ITGAM: variants seen among roughly 807,000 people sequenced by gnomAD.
The protein encoded by ITGAM is integrin subunit alpha M.
In ITGAM, 79 loss-of-function variants were observed where a neutral mutation model predicts 137.5. That is an observed-to-expected ratio of 0.57 (90% CI 0.48 to 0.69). The LOEUF (loss-of-function observed/expected upper bound fraction) is 0.69. Among genes scored for constraint, ITGAM ranks in the 30% least tolerant of loss-of-function variants. ITGAM has a pLI of 0.00. For synonymous variants in ITGAM, 583 were observed against 592.3 expected (o/e 0.98, Z 0.23); for missense variants, 1,343 against 1,483.5 (o/e 0.91, Z 1.56).
rs373638810 is a variant in ITGAM at position 31,324,688 on chromosome 16, G to A, written c.2195G>A (p.Arg732His). ...GACCCAGTGAGCCCCATTGTGCTGC[G>A]CCTGAACTTCTCTCTGGTGGGAACG... The part of the protein sequence containing the change: ...IEDPVSPIVL[R>H]LNFSLVGTPL... The change falls in exon 18 of 30, where the codon CGC (arginine) becomes CAC (histidine). Residue 732 changes from arginine (R) to histidine (H), a missense_variant. Transcript: ENST00000544665. The surrounding 1 kb of genome is among the most constrained non-coding windows in gnomAD (Gnocchi z 4.5). 1.8e-5 allele frequency: 29 copies of A among 1,602,396 alleles called. No homozygotes were observed. Among genetic ancestry groups the A allele is most frequent in the Non-Finnish European group, 2.4e-5 (28 of 1,175,080 alleles).
intron 1 of ITGAM, 137 bp downstream of exon 1, chr16:31,260,229 A>G: frequency 1.5e-6 from 1 of 671,694 alleles, no homozygotes; most frequent in Non-Finnish European, 2.5e-6. Flanking sequence ...AAAGGGTTCA[A>G]GAAGAAGCAG....
chr16:31,276,704 A>G lies in ITGAM; in HGVS notation c.1043A>G (p.His348Arg), dbSNP rs2079909982. Residue 348 changes from histidine (H) to arginine (R), a missense_variant, in exon 10 of 30, where the codon CAT (histidine) becomes CGT (arginine). Physicochemically the swap from His to Arg is conservative, Grantham distance 29 (BLOSUM62 0). Coordinates refer to ENST00000544665, the MANE Select transcript of ITGAM (RefSeq NM_000632.4). Reference protein sequence around the residue: ...TQTGSSSSFEHEMSQEGFSAA... With the variant: ...TQTGSSSSFEREMSQEGFSAA... ...ACAGGAAGTAGCAGCTCCTTTGAGCATGAGATGTCTCAGGAAGGCTTCAGC... is the reference window on the plus strand; with the variant it reads ...ACAGGAAGTAGCAGCTCCTTTGAGCGTGAGATGTCTCAGGAAGGCTTCAGC... 1.9e-6 allele frequency: 3 copies of G among 1,612,376 alleles called. No homozygotes were observed. The highest frequency in any genetic ancestry group is 2.2e-5 in the East Asian group (1 of 44,842).
Position 31,331,720 on chromosome 16 carries a change from G to T in ITGAM, c.*13G>T. 1 of 1,584,284 alleles carries T rather than the reference G, an allele frequency of 6.3e-7. No individual in the cohort carries two copies. The highest frequency in any genetic ancestry group is 8.6e-7 in the Non-Finnish European group (1 of 1,164,928). On this transcript the variant is annotated 3_prime_UTR_variant, in exon 30 of 30. Coordinates refer to ENST00000544665, the MANE Select transcript of ITGAM (RefSeq NM_000632.4). The stretch of plus-strand genomic sequence containing the variant: ...CGAACCCCAGTAGCGGCTCCTTCCC[G>T]ACAGAGCTGCCTCTCGGTGGCCAGC...
intron 14 of ITGAM, among the ~76,000 whole-genome samples, chr16:31,298,457 A>C (rs542733672): frequency 6.6e-6 from 1 of 152,188 alleles, no homozygotes; most frequent in Admixed American, 6.5e-5. Flanking sequence ...GATTATTTCT[A>C]CAGCAATAGG....
intron 2 of ITGAM, among the ~76,000 whole-genome samples, chr16:31,264,263 A>G (rs1023472899): frequency 2.0e-5 from 3 of 151,980 alleles, no homozygotes; most frequent in African/African-American, 7.2e-5. Context: ...CCTGGCCAAC[A>G]TAAGGAAACC....
intron 12 of ITGAM, among the ~76,000 whole-genome samples, chr16:31,285,367 C>T (rs1650762134): frequency 6.6e-6 from 1 of 152,004 alleles, no homozygotes; most frequent in Admixed American, 6.6e-5. Flanking sequence ...TGGTCTCCTC[C>T]CTTACCAGCA....
At chr16:31,281,336 A>C (rs1001588344) in intron 12 of ITGAM, among the ~76,000 whole-genome samples, 1 of 152,100 alleles carries the variant, frequency 6.6e-6, no homozygotes, top group African/African-American at 2.4e-5. Context: ...TCAGCTGTGA[A>C]TCCGTCTGGT....
intron 12 of ITGAM, among the ~76,000 whole-genome samples, chr16:31,296,832 T>C (rs1427822814): frequency 1.3e-5 from 2 of 152,236 alleles, no homozygotes; most frequent in Non-Finnish European, 2.9e-5. Flanking sequence ...TATGATTAAA[T>C]AGGTGAATTT....
intron 14 of ITGAM, among the ~76,000 whole-genome samples, chr16:31,316,782 C>T (rs756546648): frequency 3.5e-4 from 53 of 152,024 alleles, no homozygotes; most frequent in Non-Finnish European, 5.6e-4. Flanking sequence ...AACTTTCTTT[C>T]GTCAATGTTT....
At chr16:31,261,899 T>C in intron 2 of ITGAM, 102 bp downstream of exon 2, 1 of 668,094 alleles carries the variant, frequency 1.5e-6, no homozygotes, top group Non-Finnish European at 2.7e-6. Context: ...AACAGATAAA[T>C]CAATTCAAAA....
At chr16:31,325,213 A>C (rs1454655500) in intron 19 of ITGAM, 50 bp from the exon 20 acceptor site, 1 of 1,571,738 alleles carries the variant, frequency 6.4e-7, no homozygotes, top group East Asian at 2.2e-5. Context: ...CAGGCTTGCC[A>C]CAGGGAAGCC....
intron 14 of ITGAM, among the ~76,000 whole-genome samples, chr16:31,307,861 T>G (rs1256573360): frequency 1.3e-5 from 2 of 152,046 alleles, no homozygotes; most frequent in Non-Finnish European, 2.9e-5. Context: ...GCATGAAGGG[T>G]TGTTGAATTT....
intron 14 of ITGAM, among the ~76,000 whole-genome samples, chr16:31,311,236 T>C (rs1400737933): frequency 6.6e-6 from 1 of 152,226 alleles, no homozygotes; most frequent in East Asian, 1.9e-4. Context: ...AAGGACTTCA[T>C]GTCTAAAACA....
chr16:31,265,252 C>G, intron 2 of ITGAM, 143 bp from the exon 3 acceptor site: 2 of 488,940 alleles, frequency 4.1e-6, no homozygotes, highest in Non-Finnish European at 3.7e-6. Flanking sequence ...CCATTTTTTT[C>G]TTTGCTAATT....
At chr16:31,330,206 A>G (rs201569716) in intron 26 of ITGAM, 42 bp downstream of exon 26, 6 of 1,601,414 alleles carry the variant, frequency 3.7e-6, no homozygotes, top group Non-Finnish European at 3.4e-6. Flanking sequence ...AGAGACCCAG[A>G]GCGCTTCCCT....
At chr16:31,269,132 G>A (rs1396779288) in intron 5 of ITGAM, among the ~76,000 whole-genome samples, 1 of 152,072 alleles carries the variant, frequency 6.6e-6, no homozygotes, top group Non-Finnish European at 1.5e-5. Context: ...TGAAATCATC[G>A]GGAGTCGGAG....
At chr16:31,265,543 A>T in intron 3 of ITGAM, 45 bp downstream of exon 3, 1 of 1,271,288 alleles carries the variant, frequency 7.9e-7, no homozygotes, top group Non-Finnish European at 1.1e-6. Context: ...TCCCCTGTGA[A>T]CACATAGGGA....
chr16:31,294,349 G>A (rs1247387163), intron 12 of ITGAM, among the ~76,000 whole-genome samples: 2 of 152,094 alleles, frequency 1.3e-5, no homozygotes, highest in Non-Finnish European at 2.9e-5. Context: ...TGCCCATCAA[G>A]TATGATGTTG....
chr16:31,276,961 T>C lies in ITGAM; in HGVS notation c.1125T>C (p.Ala375=), dbSNP rs1184434352. The C allele has an allele frequency of 6.2e-7, 1 of 1,613,496 alleles. No individual in the cohort carries two copies. The highest frequency in any genetic ancestry group is 8.5e-7 in the Non-Finnish European group (1 of 1,179,710). ...LLSTVGSYDW[A]GGVFLYTSKE... ...GCACTGTGGGGAGCTATGACTGGGC[T>C]GGTGGAGTCTTTCTATATACATCAA... The change falls in exon 11 of 30, where the codon GCT becomes GCC. Residue 375 remains alanine, a synonymous_variant. Coordinates refer to ENST00000544665, the MANE Select transcript of ITGAM (RefSeq NM_000632.4).
Sources: allele counts gnomAD v4.1 joint callset (sites outside exome capture counted in the v4.1 genomes callset), GRCh38; gene constraint gnomAD v4.1.1; non-coding constraint Gnocchi (gnomAD v3.1); transcripts MANE v1.5; gene names NCBI Gene and HGNC (gene_info 2026-07-23, HGNC 2026-07-21).